Variants in RFX1 observed in about 807,000 individuals in gnomAD.
RFX1 encodes the protein MHC class II regulatory factor RFX1.
RFX1 carries 42 observed loss-of-function variants against 119.6 expected under a neutral mutation model. That is an observed-to-expected ratio of 0.35 (90% CI 0.27 to 0.45). The LOEUF (loss-of-function observed/expected upper bound fraction) is 0.45, where lower values mean the gene tolerates loss of function less well. Among genes scored for constraint, RFX1 ranks in the 20% least tolerant of loss-of-function variants. The probability of loss-of-function intolerance (pLI) is 1.00; values close to 1 mark genes in which losing one functional copy is unlikely to be tolerated. For synonymous variants in RFX1, 628 were observed against 618.5 expected (o/e 1.02, Z -0.23); for missense variants, 1,118 against 1,368.1 (o/e 0.82, Z 2.88).
intron 2 of RFX1, among the ~76,000 whole-genome samples, chr19:13,992,225 G>A (rs1974830260): frequency 6.6e-6 from 1 of 151,980 alleles, no homozygotes; most frequent in South Asian, 2.1e-4. Context: ...AATCACTTGA[G>A]CCCAGGAGTT....
At position 13,968,520 on chromosome 19, in the gene RFX1, G is replaced by A. The variant is rs774303710; in HGVS notation, c.1732+45C>T. 1 of 1,480,766 alleles carries A rather than the reference G, an allele frequency of 6.8e-7. No individual in the cohort carries two copies. The highest frequency in any genetic ancestry group is 9.4e-7 in the Non-Finnish European group (1 of 1,059,630). The allele number at this position is 1,480,766 out of a possible 1,614,324, so 91.7% of individuals were successfully genotyped here. On this transcript the variant is annotated intron_variant, in intron 12 of 20. Transcript: ENST00000254325. The surrounding 1 kb of genome is among the most constrained non-coding windows in gnomAD (Gnocchi z 5.5). Reference sequence around the variant, plus strand: ...CAGCTTTGGGAACCGTCTGCACGGGGCAGGGAGGCGGTGGTTGGGGAAGCA... The same window carrying A: ...CAGCTTTGGGAACCGTCTGCACGGGACAGGGAGGCGGTGGTTGGGGAAGCA...
In RFX1 at chr19:13,971,099, C is replaced by T. The variant is rs561632372; in HGVS notation, c.1315-924G>A. ...CTGTAATCCCAACACTTTGGGAGGC[C>T]GAGGCGGGCGGATCACCTGAAGTCA... On this transcript the variant is annotated intron_variant, in intron 9 of 20. Coordinates refer to ENST00000254325, the MANE Select transcript of RFX1 (RefSeq NM_002918.5). Among the ~76,000 whole-genome samples, 370 of 151,908 alleles carry T rather than the reference C, an allele frequency of 2.4e-3. 1 individual carries two copies. The highest frequency in any genetic ancestry group is 8.6e-3 in the African/African-American group (358 of 41,422).
intron 1 of RFX1, among the ~76,000 whole-genome samples, 174 bp downstream of exon 1, chr19:14,005,929 C>T (rs946253833): frequency 6.6e-6 from 1 of 150,776 alleles, no homozygotes; most frequent in Non-Finnish European, 1.5e-5. Context: ...GGGACGGGGG[C>T]GGGTGGTGTC....
chr19:13,978,099 A>G lies in RFX1; in HGVS notation c.835-13T>C. On this transcript the variant is annotated splice_polypyrimidine_tract_variant and intron_variant, in intron 7 of 20. Transcript: ENST00000254325. ...GGAGCTGCTGCACCTGGGGCAGAGG[A>G]AGGGCACGTGGAGGGTCAGGGGTGG... The G allele has an allele frequency of 6.2e-7, 1 of 1,606,036 alleles. No individual in the cohort carries two copies. The highest frequency in any genetic ancestry group is 8.5e-7 in the Non-Finnish European group (1 of 1,174,066).
intron 8 of RFX1, among the ~76,000 whole-genome samples, chr19:13,974,178 G>A (rs1280294927): frequency 1.3e-5 from 2 of 152,112 alleles, no homozygotes; most frequent in East Asian, 3.9e-4. Context: ...ATAACAGAAG[G>A]TGATCAGGCA....
Position 13,979,505 on chromosome 19 carries a change from G to T in RFX1, c.776C>A (p.Pro259His), listed in dbSNP as rs1416967577. 1.9e-6 allele frequency: 3 copies of T among 1,604,870 alleles called. No individual in the cohort carries two copies. The highest frequency in any genetic ancestry group is 2.6e-6 in the Non-Finnish European group (3 of 1,174,982). The change falls in exon 7 of 21, where the codon CCC becomes CAC. Residue 259 changes from proline to histidine, a missense_variant. Pro to His is a moderately conservative substitution (Grantham distance 77). This residue lies in a region of RFX1 where 542 missense variants were observed against 602.7 expected (regional missense o/e 0.90). Transcript: ENST00000254325. ...CACGGTCAGCGGCTGCACCGGGCCG[G>T]GTTTGGGCGCTTGTGGAGTGGCCTG... ...VVQATPQAPK[P>H]GPVQPLTVQG...
In RFX1 at chr19:13,985,205, G is replaced by C. The variant is rs1341294792; in HGVS notation, c.320-1610C>G. ...GGATTTTTTTTTTTTTTTGAGACAGGGTCTCACAGTTGCCCAGGCTGGAGT... is the reference window on the plus strand; with the variant it reads ...GGATTTTTTTTTTTTTTTGAGACAGCGTCTCACAGTTGCCCAGGCTGGAGT... On this transcript the variant is annotated intron_variant, in intron 2 of 20. Coordinates refer to ENST00000254325, the MANE Select transcript of RFX1 (RefSeq NM_002918.5). The surrounding 1 kb of genome is among the most constrained non-coding windows in gnomAD (Gnocchi z 4.3). 7.0e-6 allele frequency among the ~76,000 whole-genome samples: 1 copy of C among 142,978 alleles called. No homozygotes were observed. Among genetic ancestry groups the C allele is most frequent in the Non-Finnish European group, 1.5e-5 (1 of 65,454 alleles). The allele number at this position is 142,978 out of a possible 152,430, so 93.8% of individuals were successfully genotyped here.
At chr19:13,973,856 T>A (rs1974169859) in intron 8 of RFX1, among the ~76,000 whole-genome samples, 1 of 151,996 alleles carries the variant, frequency 6.6e-6, no homozygotes, top group Non-Finnish European at 1.5e-5. Flanking sequence ...GGTCTCGAAC[T>A]TCTGACCTCA....
chr19:13,981,789 C>G (rs990412952), intron 5 of RFX1, among the ~76,000 whole-genome samples: 1 of 152,196 alleles, frequency 6.6e-6, no homozygotes, highest in Non-Finnish European at 1.5e-5. Context: ...TCCCACCCTC[C>G]GGGGGGAAGA....
intron 16 of RFX1, among the ~76,000 whole-genome samples, chr19:13,964,664 T>C (rs942121949): frequency 2.6e-5 from 4 of 152,072 alleles, no homozygotes; most frequent in African/African-American, 9.7e-5. Flanking sequence ...GTATTTTTAG[T>C]AGAGACAAGG....
chr19:14,000,336 A>C (rs1975173758), intron 1 of RFX1, among the ~76,000 whole-genome samples: 2 of 152,108 alleles, frequency 1.3e-5, no homozygotes, highest in South Asian at 4.1e-4. Flanking sequence ...AAATACAAAA[A>C]TTAGCTGGGT....
At chr19:13,964,544 C>T (rs993719650) in intron 16 of RFX1, among the ~76,000 whole-genome samples, 4 of 152,122 alleles carry the variant, frequency 2.6e-5, no homozygotes, top group African/African-American at 7.2e-5. Context: ...TGCAGTGGCG[C>T]GATCTCAGCT....
chr19:13,963,176 G>A lies in RFX1; in HGVS notation c.2670C>T (p.Ile890=), dbSNP rs769521923. ...CCTTGGCCTGGGCTACGCGGTGCTC[G>A]ATCAGGTAGTACATGTACTCGTCGT... is the stretch of plus-strand genomic sequence containing the variant. The part of the protein sequence containing the change: ...LLYDEYMYYL[I]EHRVAQAKGE... The change falls in exon 19 of 21, where the codon ATC becomes ATT. Residue 890 remains isoleucine, a synonymous_variant. Transcript: ENST00000254325. 1.2e-6 allele frequency: 2 copies of A among 1,612,662 alleles called. No homozygotes were observed. Among genetic ancestry groups the A allele is most frequent in the East Asian group, 2.2e-5 (1 of 44,842 alleles).
chr19:13,993,137 T>A (rs1974861467), intron 2 of RFX1, among the ~76,000 whole-genome samples: 1 of 151,782 alleles, frequency 6.6e-6, no homozygotes, highest in East Asian at 1.9e-4. Flanking sequence ...CTACAAAAAA[T>A]TTTAAAAATT....
intron 16 of RFX1, among the ~76,000 whole-genome samples, chr19:13,964,472 A>T (rs186814712): frequency 2.1e-4 from 32 of 151,560 alleles, no homozygotes; most frequent in Admixed American, 7.2e-4. Context: ...TTTGATAAAC[A>T]CGTTTCATTT....
At position 13,973,172 on chromosome 19, in the gene RFX1, T is replaced by TG. The variant is rs748548147; in HGVS notation, c.930-46dup. The TG allele has an allele frequency of 2.1e-5, 14 of 677,092 alleles. No homozygotes were observed. In the South Asian group the frequency reaches 3.4e-4, roughly 16 times the overall value. The allele number at this position is 677,092 out of a possible 1,614,324, so 41.9% of individuals were successfully genotyped here. On this transcript the variant is annotated intron_variant, in intron 8 of 20. Coordinates refer to ENST00000254325, the MANE Select transcript of RFX1 (RefSeq NM_002918.5). The stretch of plus-strand genomic sequence containing the variant: ...AAGGGAGAGTCAGGGGGATGAGAAC[T>TG]GGGGGGCCGAGGGGCATGACTGTGC...
Position 13,965,917 on chromosome 19 carries a change from C to A in RFX1, c.1962-140G>T, listed in dbSNP as rs113440449. ...GTTCTACCCCCAGCATCAGAAGGCA[C>A]AGGTACCCCCTTACCCCCACTCCAG... On this transcript the variant is annotated intron_variant, in intron 14 of 20. Transcript: ENST00000254325. This position sits in a 1 kb window ranked among gnomAD's most constrained non-coding sequence, Gnocchi z 4.7. 1.0e-3 allele frequency: 1,053 copies of A among 1,009,034 alleles called. 12 individuals carry two copies. The African/African-American group carries it at 0.015, about 14-fold the overall frequency. 62.5% of individuals were successfully genotyped at this position (1,009,034 alleles called of 1,614,324 possible).
chr19:13,974,326 G>A (rs549439044), intron 8 of RFX1, among the ~76,000 whole-genome samples: 88 of 152,166 alleles, frequency 5.8e-4, no homozygotes, highest in Non-Finnish European at 4.0e-4. Context: ...CCTATCCCAG[G>A]CTGGGGAAGC....
In RFX1 at chr19:13,962,987, C is replaced by T. The variant is rs961298661; in HGVS notation, c.2770+7G>A. On this transcript the variant is annotated splice_region_variant and intron_variant, in intron 20 of 20. Transcript: ENST00000254325. Reference sequence around the variant, plus strand: ...CCGCGCCCTGGGTGGGAACACGCCTCGCCTACCTTTGTCGGGGTCCAGGGG... The same window carrying T: ...CCGCGCCCTGGGTGGGAACACGCCTTGCCTACCTTTGTCGGGGTCCAGGGG... 2 of 1,550,386 alleles carry T rather than the reference C, an allele frequency of 1.3e-6. No homozygotes were observed. Among genetic ancestry groups the T allele is most frequent in the Non-Finnish European group, 1.7e-6 (2 of 1,146,594 alleles).
Sources: gnomAD v4.1 joint callset for allele counts (sites outside exome capture counted in the v4.1 genomes callset) on GRCh38, gnomAD v4.1.1 for gene constraint, gnomAD v4.1.1 regional missense constraint, Gnocchi (gnomAD v3.1) non-coding constraint, MANE v1.5 for transcripts, NCBI Gene and HGNC (gene_info 2026-07-23, HGNC 2026-07-21) for gene names.